The following SMAP2 variants were observed in gnomAD, a reference collection of about 807,000 sequenced individuals.
SMAP2 encodes the protein stromal membrane-associated protein 2.
SMAP2 carries 25 observed loss-of-function variants against 56.4 expected under a neutral mutation model. That is an observed-to-expected ratio of 0.44 (90% CI 0.32 to 0.62). The LOEUF is 0.62. Ranked by LOEUF, SMAP2 falls within the 20% of genes least tolerant of loss-of-function variation. SMAP2 has a pLI of 0.04. For synonymous variants in SMAP2, 157 were observed against 181.7 expected, an observed-to-expected ratio of 0.86 and a Z score of 1.09; for missense variants, 388 against 545.6, an observed-to-expected ratio of 0.71 and a Z score of 2.88.
chr1:40,417,203 A>G, intron 9 of SMAP2, 107 bp downstream of exon 9: 2 of 733,684 alleles, frequency 2.7e-6, no homozygotes, highest in East Asian at 2.9e-5. Context: ...TAGATGAGAT[A>G]ATGTAAGAGA....
intron 1 of SMAP2, among the ~76,000 whole-genome samples, chr1:40,354,178 G>T (rs1644422348): frequency 6.6e-6 from 1 of 151,988 alleles, no homozygotes; most frequent in South Asian, 2.1e-4. Context: ...ACAGAGAGCT[G>T]GACTCTGTAG....
chr1:40,400,753 G>T (rs574652481), intron 1 of SMAP2, among the ~76,000 whole-genome samples: 1 of 152,322 alleles, frequency 6.6e-6, no homozygotes, highest in East Asian at 1.9e-4. Flanking sequence ...TTGTGTATGA[G>T]ACTACATGGA....
chr1:40,373,407 T>C (rs770023434), upstream of SMAP2, among the ~76,000 whole-genome samples: 39 of 152,346 alleles, frequency 2.6e-4, no homozygotes, highest in Non-Finnish European at 5.0e-4. Context: ...TATGTTGGGA[T>C]AGTTCATGCA....
At chr1:40,416,069 A>G (rs1166384946) in intron 7 of SMAP2, 107 bp from the exon 8 acceptor site, 9 of 1,065,986 alleles carry the variant, frequency 8.4e-6, no homozygotes, top group Non-Finnish European at 1.1e-5. Flanking sequence ...AACTTGAGCC[A>G]TGAATTCTTA....
intron 1 of SMAP2, among the ~76,000 whole-genome samples, chr1:40,383,239 C>T (rs1376462488): frequency 1.3e-5 from 2 of 152,130 alleles, no homozygotes; most frequent in East Asian, 3.8e-4. Flanking sequence ...CTGGTGTGAG[C>T]GGAAGCATGG....
intron 1 of SMAP2, among the ~76,000 whole-genome samples, chr1:40,392,206 C>A (rs1009764423): frequency 2.0e-5 from 3 of 152,268 alleles, no homozygotes; most frequent in African/African-American, 7.2e-5. Context: ...TCCCAGTACC[C>A]CCAGATTTTC....
chr1:40,376,978 G>T (rs1644546762), intron 1 of SMAP2, among the ~76,000 whole-genome samples: 1 of 152,072 alleles, frequency 6.6e-6, no homozygotes, highest in African/African-American at 2.4e-5. Flanking sequence ...GACTTTCAAG[G>T]TATGTGATTT....
intron 1 of SMAP2, among the ~76,000 whole-genome samples, chr1:40,347,221 T>TGC (rs1644390065): frequency 7.2e-6 from 1 of 139,310 alleles, no homozygotes; most frequent in Non-Finnish European, 1.5e-5. Flanking sequence ...TGTGTGTGTG[T>TGC]GTGTGTTTGT....
chr1:40,393,607 T>C (rs1644739853), intron 1 of SMAP2: 2 of 1,147,700 alleles, frequency 1.7e-6, no homozygotes, highest in African/African-American at 1.7e-5. Context: ...GTACAGTGGC[T>C]CAATCTTGGC....
intron 1 of SMAP2, among the ~76,000 whole-genome samples, chr1:40,381,554 TG>T (rs1644598993): frequency 6.6e-6 from 1 of 152,138 alleles, no homozygotes; most frequent in African/African-American, 2.4e-5. Context: ...TGTGTGTGTG[TG>T]TGCGTGTGGG....
chr1:40,382,797 T>C (rs1233941330), intron 1 of SMAP2, among the ~76,000 whole-genome samples: 1 of 152,244 alleles, frequency 6.6e-6, no homozygotes, highest in Non-Finnish European at 1.5e-5. Flanking sequence ...GCCTGTTTTG[T>C]TCACTGTAGT....
chr1:40,416,667 G>T, intron 8 of SMAP2, 113 bp from the exon 9 acceptor site: 2 of 1,101,134 alleles, frequency 1.8e-6, no homozygotes, highest in Non-Finnish European at 2.6e-6. Flanking sequence ...AAAGAGCATT[G>T]TGAGTAGAGT....
chr1:40,367,823 G>A (rs1279586317), intron 2 of SMAP2, among the ~76,000 whole-genome samples: 1 of 143,918 alleles, frequency 6.9e-6, no homozygotes, highest in African/African-American at 2.6e-5. Context: ...ACATTCAAAA[G>A]CTAGCAGAAG....
At chr1:40,412,239 A>C (rs1329055130) in intron 4 of SMAP2, among the ~76,000 whole-genome samples, 1 of 152,186 alleles carries the variant, frequency 6.6e-6, no homozygotes, top group African/African-American at 2.4e-5. Context: ...AAGGATTTCA[A>C]CATTTGTCTC....
intron 1 of SMAP2, among the ~76,000 whole-genome samples, chr1:40,402,186 A>T (rs1254061662): frequency 6.6e-6 from 1 of 152,172 alleles, no homozygotes; most frequent in Non-Finnish European, 1.5e-5. Flanking sequence ...GTATTAAACA[A>T]TTGGTTTATC....
intron 9 of SMAP2, among the ~76,000 whole-genome samples, chr1:40,418,200 A>G (rs1158914039): frequency 6.6e-6 from 1 of 152,238 alleles, no homozygotes; most frequent in Non-Finnish European, 1.5e-5. Flanking sequence ...CTGTGAAATG[A>G]AAGTTTACTA....
chr1:40,378,132 TA>T (rs1254548160), intron 1 of SMAP2, among the ~76,000 whole-genome samples: 1 of 152,224 alleles, frequency 6.6e-6, no homozygotes. Context: ...CTTTCCTTTT[TA>T]TTTTTTTTAG....
chr1:40,395,471 C>A (rs1644761647), intron 1 of SMAP2, among the ~76,000 whole-genome samples: 1 of 151,978 alleles, frequency 6.6e-6, no homozygotes, highest in Non-Finnish European at 1.5e-5. Context: ...CACTTGAGCC[C>A]AAGAGTTCAA....
At chr1:40,354,800 A>G (rs1569816903) in intron 1 of SMAP2, among the ~76,000 whole-genome samples, 1 of 32,088 alleles carries the variant, frequency 3.1e-5, no homozygotes, top group South Asian at 1.3e-3. Context: ...TTTTTGAGAC[A>G]GAGTCTCACT....
Sources: gnomAD v4.1 joint callset for allele counts (sites outside exome capture counted in the v4.1 genomes callset) on GRCh38, gnomAD v4.1.1 for gene constraint, MANE v1.5 for transcripts, NCBI Gene and HGNC (gene_info 2026-07-23, HGNC 2026-07-21) for gene names.